The following SPATA16 variants were observed in gnomAD, a reference collection of about 807,000 sequenced individuals.
SPATA16 encodes the protein spermatogenesis associated 16, also known as spermatogenesis-associated protein 16.
Under a neutral mutation model 63.3 loss-of-function variants are expected in SPATA16, and 36 were observed. The observed-to-expected ratio is 0.57, with a 90% CI of 0.44 to 0.75. SPATA16 has a LOEUF of 0.75. SPATA16 is among the 30% of genes least tolerant of loss of function. The pLI is 0.00. For missense variants in SPATA16, 646 were observed against 679.3 expected (o/e 0.95, Z 0.54); for synonymous variants, 203 against 216.7 (o/e 0.94, Z 0.56).
intron 3 of SPATA16, among the ~76,000 whole-genome samples, chr3:173,035,307 C>T (rs770444504): frequency 1.1e-4 from 16 of 151,912 alleles, no homozygotes; most frequent in Non-Finnish European, 2.1e-4. Context: ...AATGATAGGA[C>T]AATTTAAAAC....
chr3:173,096,933 T>C (rs755487432), intron 2 of SPATA16, among the ~76,000 whole-genome samples: 3 of 152,156 alleles, frequency 2.0e-5, no homozygotes, highest in Non-Finnish European at 2.9e-5. Flanking sequence ...CACTTATTTT[T>C]AAGCAAAAAG....
chr3:173,007,533 G>C (rs1734969682), intron 4 of SPATA16, among the ~76,000 whole-genome samples: 1 of 152,162 alleles, frequency 6.6e-6, no homozygotes, highest in African/African-American at 2.4e-5. Context: ...CTTAAATCCT[G>C]AAAGGCATGT....
chr3:172,923,850 A>G (rs903077743), intron 8 of SPATA16, among the ~76,000 whole-genome samples: 24 of 152,338 alleles, frequency 1.6e-4, no homozygotes, highest in African/African-American at 5.3e-4. Flanking sequence ...GGTTATATGC[A>G]ATAGCTCAAT....
intron 2 of SPATA16, among the ~76,000 whole-genome samples, chr3:173,115,823 C>G (rs1286696758): frequency 2.0e-5 from 3 of 152,042 alleles, no homozygotes; most frequent in Admixed American, 6.6e-5. Flanking sequence ...ACCACTTTCA[C>G]GACAACATCT....
intron 6 of SPATA16, among the ~76,000 whole-genome samples, chr3:172,943,147 A>G (rs1388269198): frequency 6.6e-6 from 1 of 152,212 alleles, no homozygotes; most frequent in Non-Finnish European, 1.5e-5. Context: ...AAAACAGGAC[A>G]TAAAAGAAAT....
intron 2 of SPATA16, among the ~76,000 whole-genome samples, chr3:173,097,481 C>T (rs889454293): frequency 6.6e-6 from 1 of 152,174 alleles, no homozygotes; most frequent in African/African-American, 2.4e-5. Context: ...ATTCGTTTTG[C>T]TGTAGCACCT....
chr3:172,929,521 C>T (rs548012243), intron 6 of SPATA16, among the ~76,000 whole-genome samples: 22 of 152,214 alleles, frequency 1.4e-4, no homozygotes, highest in African/African-American at 5.3e-4. Context: ...TTATTGTCCT[C>T]TCCTTAAAAA....
chr3:173,104,287 G>A (rs947557881), intron 2 of SPATA16, among the ~76,000 whole-genome samples: 4 of 152,026 alleles, frequency 2.6e-5, no homozygotes, highest in African/African-American at 4.8e-5. Flanking sequence ...CTCATTACCC[G>A]GTTCCAAAGT....
intron 6 of SPATA16, among the ~76,000 whole-genome samples, chr3:172,949,877 G>C (rs1733387252): frequency 6.6e-6 from 1 of 152,068 alleles, no homozygotes; most frequent in Non-Finnish European, 1.5e-5. Flanking sequence ...AGGAGATTGA[G>C]GGAAGCTGCC....
At chr3:173,113,111 ATAG>A (rs1450884740) in intron 2 of SPATA16, among the ~76,000 whole-genome samples, 1 of 152,240 alleles carries the variant, frequency 6.6e-6, no homozygotes, top group African/African-American at 2.4e-5. Context: ...AATTTATTAC[ATAG>A]TAGTATGTAT....
intron 10 of SPATA16, among the ~76,000 whole-genome samples, chr3:172,898,518 C>A (rs1258873629): frequency 1.3e-5 from 2 of 151,746 alleles, no homozygotes; most frequent in Non-Finnish European, 2.9e-5. Flanking sequence ...TTCTAAGATT[C>A]TCTTATTATC....
chr3:172,965,720 C>T (rs1335531007), intron 5 of SPATA16, among the ~76,000 whole-genome samples: 1 of 151,962 alleles, frequency 6.6e-6, no homozygotes, highest in Non-Finnish European at 1.5e-5. Context: ...CAACCCCCAC[C>T]TCCTGGGTTC....
At chr3:172,965,809 C>T (rs1560082010) in intron 5 of SPATA16, among the ~76,000 whole-genome samples, 1 of 152,100 alleles carries the variant, frequency 6.6e-6, no homozygotes, top group African/African-American at 2.4e-5. Flanking sequence ...ATCTCTTGAC[C>T]TTGTGATCCG....
In SPATA16 at chr3:173,117,587, T is replaced by C; in HGVS notation, c.145A>G (p.Lys49Glu). 1.9e-6 allele frequency: 3 copies of C among 1,613,684 alleles called. No individual in the cohort carries two copies. Among genetic ancestry groups the C allele is most frequent in the Non-Finnish European group, 2.5e-6 (3 of 1,179,766 alleles). ...NILEMSQEIK[K>E]NCGGKQVEIT... is the part of the protein sequence containing the mutation. ...TCTACCTGTTTACCTCCACAGTTTT[T>C]CTTAATCTCTTGTGACATTTCCAGG... Residue 49 changes from lysine to glutamate, a missense_variant, in exon 2 of 11, where the codon AAA (lysine) becomes GAA (glutamate). Physicochemically the swap from Lys to Glu is moderately conservative, Grantham distance 56 (BLOSUM62 1). Transcript: ENST00000351008.
intron 6 of SPATA16, among the ~76,000 whole-genome samples, chr3:172,946,953 G>A (rs1733304955): frequency 6.6e-6 from 1 of 152,132 alleles, no homozygotes; most frequent in Non-Finnish European, 1.5e-5. Flanking sequence ...CCATAGGAGT[G>A]CTTGTATCAC....
At chr3:173,023,456 G>A (rs1299886382) in intron 3 of SPATA16, among the ~76,000 whole-genome samples, 2 of 151,844 alleles carry the variant, frequency 1.3e-5, no homozygotes, top group African/African-American at 4.8e-5. Flanking sequence ...ACTGCCTAAT[G>A]TCCTCTATGT....
intron 2 of SPATA16, among the ~76,000 whole-genome samples, chr3:173,112,492 A>G (rs934977695): frequency 6.6e-6 from 1 of 152,050 alleles, no homozygotes; most frequent in Non-Finnish European, 1.5e-5. Context: ...CGACTCCACC[A>G]CCTCTAGCTT....
intron 4 of SPATA16, among the ~76,000 whole-genome samples, chr3:173,006,952 A>T (rs148496335): frequency 1.3e-5 from 2 of 152,348 alleles, no homozygotes; most frequent in East Asian, 1.9e-4. Flanking sequence ...CTTGTTCAAA[A>T]ATGAATACTT....
chr3:173,093,697 T>C (rs1263130354), intron 2 of SPATA16, among the ~76,000 whole-genome samples: 1 of 152,182 alleles, frequency 6.6e-6, no homozygotes, highest in Non-Finnish European at 1.5e-5. Flanking sequence ...CCATCGCTAT[T>C]GTATATAGCA....
Sources: gnomAD v4.1 joint callset for allele counts (sites outside exome capture counted in the v4.1 genomes callset) on GRCh38, gnomAD v4.1.1 for gene constraint, MANE v1.5 for transcripts, NCBI Gene and HGNC (gene_info 2026-07-23, HGNC 2026-07-21) for gene names.